Variants in NUP88 observed in about 807,000 individuals in gnomAD.
NUP88 encodes the protein nucleoporin 88, also known as nuclear pore complex protein Nup88.
Under a neutral mutation model 93.9 loss-of-function variants are expected in NUP88, and 57 were observed. That is an observed-to-expected ratio of 0.61 (90% CI 0.49 to 0.76). The LOEUF (loss-of-function observed/expected upper bound fraction) is 0.76, where lower values mean the gene tolerates loss of function less well. NUP88 is among the 30% of genes least tolerant of loss of function. The pLI is 0.00. For missense variants in NUP88, 911 were observed against 901.0 expected, an observed-to-expected ratio of 1.01 and a Z score of -0.14; for synonymous variants, 346 against 336.8, an observed-to-expected ratio of 1.03 and a Z score of -0.30.
chr17:5,419,424 C>G lies in NUP88; in HGVS notation c.227G>C (p.Ser76Thr), dbSNP rs1158767148. The change falls in exon 1 of 17, where the codon AGC becomes ACC. Residue 76 changes from serine to threonine, a missense_variant. Ser to Thr is a moderately conservative substitution (Grantham distance 58, BLOSUM62 1). Coordinates refer to ENST00000573584, the MANE Select transcript of NUP88 (RefSeq NM_002532.6). The part of the protein sequence containing the change: ...GELFLWDGED[S>T]SFLVVRLRGP... ...CCGAAGGCGAACGACTAAGAAGGAG[C>G]TGTCTTCTCCGTCCCACAGGAAAAG... 1 of 1,613,666 alleles carries G rather than the reference C, an allele frequency of 6.2e-7. No homozygotes were observed. The highest frequency in any genetic ancestry group is 1.1e-5 in the South Asian group (1 of 91,084).
intron 7 of NUP88, among the ~76,000 whole-genome samples, chr17:5,402,165 G>A (rs950089660): frequency 1.3e-5 from 2 of 152,130 alleles, no homozygotes; most frequent in Non-Finnish European, 2.9e-5. Flanking sequence ...AAATTAGCCA[G>A]GCCTGGTGGC....
intron 2 of NUP88, among the ~76,000 whole-genome samples, chr17:5,415,439 A>C (rs1230210204): frequency 6.6e-6 from 1 of 152,230 alleles, no homozygotes; most frequent in African/African-American, 2.4e-5. Flanking sequence ...TCTTTTTACT[A>C]ACCCTGTAAG....
chr17:5,408,680 T>A, intron 5 of NUP88, 53 bp downstream of exon 5: 1 of 1,383,360 alleles, frequency 7.2e-7, no homozygotes, highest in Non-Finnish European at 9.9e-7. Flanking sequence ...CAATGATATC[T>A]ACTGGAGCCC....
chr17:5,398,952 G>A (rs1211109622), intron 8 of NUP88, among the ~76,000 whole-genome samples: 2 of 145,866 alleles, frequency 1.4e-5, no homozygotes, highest in African/African-American at 5.1e-5. Flanking sequence ...GCAGTGGCGT[G>A]ATCTTGGCTC....
chr17:5,387,788 A>G lies in NUP88; in HGVS notation c.1760T>C (p.Ile587Thr), dbSNP rs201233368. 3.1e-6 allele frequency: 5 copies of G among 1,612,410 alleles called. No individual in the cohort carries two copies. The highest frequency in any genetic ancestry group is 4.2e-6 in the Non-Finnish European group (5 of 1,179,388). The change falls in exon 12 of 17, where the codon ATT (isoleucine) becomes ACT (threonine). Residue 587 changes from isoleucine to threonine, a missense_variant. Ile to Thr is a moderately conservative substitution (Grantham distance 89). Coordinates refer to ENST00000573584, the MANE Select transcript of NUP88 (RefSeq NM_002532.6). Reference sequence around the variant, plus strand: ...ACACAGGACATCATACCTCCGCTGAATCTCCTCCTTTGCCAAGTCCTGTTT... The same window carrying G: ...ACACAGGACATCATACCTCCGCTGAGTCTCCTCCTTTGCCAAGTCCTGTTT... ...ILKQDLAKEE[I>T]QRRVKLLCDQ...
In NUP88 at chr17:5,408,923, T is replaced by A; in HGVS notation, c.681-14A>T. ...GTATACGCCCTTCTGGAAAGAGATG[T>A]AAAAACCAACTTGTTAAAAACAAAA... On this transcript the variant is annotated splice_polypyrimidine_tract_variant and intron_variant, in intron 4 of 16. Coordinates refer to ENST00000573584, the MANE Select transcript of NUP88 (RefSeq NM_002532.6). 4 of 1,535,642 alleles carry A rather than the reference T, an allele frequency of 2.6e-6. No homozygotes were observed. The highest frequency in any genetic ancestry group is 2.6e-6 in the Non-Finnish European group (3 of 1,144,144).
At chr17:5,400,550 A>G (rs761898371) in intron 7 of NUP88, among the ~76,000 whole-genome samples, 1 of 152,134 alleles carries the variant, frequency 6.6e-6, no homozygotes, top group Non-Finnish European at 1.5e-5. Flanking sequence ...AAATATGAAC[A>G]CAATGAGGTT....
Position 5,401,783 on chromosome 17 carries a change from G to A in NUP88, c.1193-2133C>T, listed in dbSNP as rs941351533. ...AAAATGGCTTTTCAAAACCTGTAGT[G>A]CTAACATCAACAGAAAAGTCTTAAC... On this transcript the variant is annotated intron_variant, in intron 7 of 16. Coordinates refer to ENST00000573584, the MANE Select transcript of NUP88 (RefSeq NM_002532.6). Among the ~76,000 whole-genome samples the A allele has an allele frequency of 3.9e-5, 6 of 152,134 alleles. No homozygotes were observed. The East Asian group carries it at 7.7e-4, about 20-fold the overall frequency.
rs1911850110 is a variant in NUP88, at chr17:5,385,201, T to A, written c.*1005A>T. ...GTTTTGTTTAGCAATGTGTTTCTGG[T>A]ATGAAACAAACTACTGTGTCACTGT... On this transcript the variant is annotated 3_prime_UTR_variant, in exon 17 of 17. Transcript: ENST00000573584. 4.3e-6 allele frequency: 1 copy of A among 230,110 alleles called. No individual in the cohort carries two copies. The highest frequency in any genetic ancestry group is 2.2e-5 in the African/African-American group (1 of 45,216). 14.3% of individuals were successfully genotyped at this position (230,110 alleles called of 1,614,324 possible).
Position 5,408,897 on chromosome 17 carries a change from G to C in NUP88, c.693C>G (p.Thr231=), listed in dbSNP as rs769089881. The C allele has an allele frequency of 2.5e-6, 4 of 1,580,526 alleles. No individual in the cohort carries two copies. In the Admixed American group the frequency reaches 7.9e-5, roughly 31 times the overall value. Reference sequence around the variant, plus strand: ...CAACTGCTGTCTCTCCTAGAGATGCGGTATACGCCCTTCTGGAAAGAGATG... The same window carrying C: ...CAACTGCTGTCTCTCCTAGAGATGCCGTATACGCCCTTCTGGAAAGAGATG... ...SLVLNKGRAY[T]ASLGETAVAF... Residue 231 remains threonine (T), a synonymous_variant, in exon 5 of 17, where the codon ACC becomes ACG. Transcript: ENST00000573584.
chr17:5,398,049 G>C (rs915592148), intron 8 of NUP88, among the ~76,000 whole-genome samples: 1 of 151,928 alleles, frequency 6.6e-6, no homozygotes, highest in Non-Finnish European at 1.5e-5. Flanking sequence ...TGGGATTACA[G>C]GCATCCGCCA....
rs3026143 is a variant in NUP88 at position 5,412,851 on chromosome 17, G to A, written c.593+1158C>T. Among the ~76,000 whole-genome samples, 1,137 of 152,276 alleles carry A rather than the reference G, an allele frequency of 7.5e-3. 2 individuals carry two copies. Among genetic ancestry groups the A allele is most frequent in the Non-Finnish European group, 0.012 (792 of 68,008 alleles). ...CCCCACACTGAAGGAGTTAGATTTG[G>A]AGGAAGGAGGGGGCAGCCCATTCCT... On this transcript the variant is annotated intron_variant, in intron 3 of 16. Transcript: ENST00000573584.
At chr17:5,392,393 T>C (rs1912496251) in intron 9 of NUP88, among the ~76,000 whole-genome samples, 1 of 152,228 alleles carries the variant, frequency 6.6e-6, no homozygotes, top group Non-Finnish European at 1.5e-5. Context: ...CCTTAACCTA[T>C]TCTTTCTCGC....
In NUP88 at chr17:5,385,922, A is replaced by G; in HGVS notation, c.*284T>C. The G allele has an allele frequency of 2.8e-6, 1 of 357,946 alleles. No individual in the cohort carries two copies. Among genetic ancestry groups the G allele is most frequent in the Non-Finnish European group, 5.0e-6 (1 of 200,874 alleles). The allele number at this position is 357,946 out of a possible 1,614,324, so 22.2% of individuals were successfully genotyped here. A position where few individuals can be genotyped will look rare whatever the true frequency, so the allele number is the denominator to read the frequency against. On this transcript the variant is annotated 3_prime_UTR_variant, in exon 17 of 17. Transcript: ENST00000573584. ...ACAAGAATAACTAACTTGCTCAAAT[A>G]TGGAGAAAACTCAATAGGGTTCAGG...
Position 5,402,038 on chromosome 17 carries a change from T to A in NUP88, c.1192+2061A>T, listed in dbSNP as rs1442508181. 2.0e-5 allele frequency among the ~76,000 whole-genome samples: 3 copies of A among 152,182 alleles called. No homozygotes were observed. The South Asian group carries it at 6.2e-4, about 31-fold the overall frequency. The stretch of plus-strand genomic sequence containing the variant: ...CTCATTAGAAGAACCAAGAAAAGGC[T>A]GGGCATGGTGGTTTATGCCTAAAAT... On this transcript the variant is annotated intron_variant, in intron 7 of 16. Transcript: ENST00000573584.
At chr17:5,404,631 A>T (rs368906368) in intron 6 of NUP88, among the ~76,000 whole-genome samples, 19 of 152,170 alleles carry the variant, frequency 1.2e-4, no homozygotes, top group Admixed American at 4.6e-4. Flanking sequence ...ATAATAATAA[A>T]AAATAAATAA....
rs1384804934 is a variant in NUP88, at chr17:5,387,875, G to A, written c.1673C>T (p.Pro558Leu). The A allele has an allele frequency of 3.1e-6, 5 of 1,613,778 alleles. No individual in the cohort carries two copies. The African/African-American group carries it at 6.7e-5, about 22-fold the overall frequency. The change falls in exon 12 of 17, where the codon CCT becomes CTT. Residue 558 changes from proline to leucine, a missense_variant. Transcript: ENST00000573584. Reference protein sequence around the residue: ...KASEKDIAPPPEECLQLLSRA... With the variant: ...KASEKDIAPPLEECLQLLSRA... ...GCTGAGGAGCTGAAGGCATTCTTCAGGAGGAGGGGCTATGTCCTTTTCAGA... is the reference window on the plus strand; with the variant it reads ...GCTGAGGAGCTGAAGGCATTCTTCAAGAGGAGGGGCTATGTCCTTTTCAGA...
intron 5 of NUP88, 25 bp from the exon 6 acceptor site, chr17:5,405,268 T>G: frequency 6.2e-7 from 1 of 1,600,374 alleles, no homozygotes; most frequent in Non-Finnish European, 8.5e-7. Context: ...AAAACATATT[T>G]GGGAAATGTT....
At chr17:5,395,671 G>A (rs1320128506) in intron 8 of NUP88, among the ~76,000 whole-genome samples, 2 of 151,984 alleles carry the variant, frequency 1.3e-5, no homozygotes, top group Admixed American at 6.6e-5. Flanking sequence ...TGGGACTACA[G>A]GTGGACGCCA....
Sources: gnomAD v4.1 joint callset for allele counts (sites outside exome capture counted in the v4.1 genomes callset) on GRCh38, gnomAD v4.1.1 for gene constraint, MANE v1.5 for transcripts, NCBI Gene and HGNC (gene_info 2026-07-23, HGNC 2026-07-21) for gene names.